Variants in HTRA4 observed in about 807,000 individuals in gnomAD.
HTRA4 encodes serine protease HTRA4.
In HTRA4, 46 loss-of-function variants were observed where a neutral mutation model predicts 49.1. The ratio of observed to expected loss-of-function variants is 0.94; its 90% CI spans 0.74 to 1.20. The LOEUF (loss-of-function observed/expected upper bound fraction) is 1.20. Ranked by LOEUF, HTRA4 falls within the 50% of genes most tolerant of loss-of-function variation. HTRA4 has a pLI of 0.00. For synonymous variants in HTRA4, 261 were observed against 264.0 expected, an observed-to-expected ratio of 0.99 and a Z score of 0.11; for missense variants, 602 against 636.9, an observed-to-expected ratio of 0.95 and a Z score of 0.59.
At chr8:38,981,075 T>TTTTTTTTG (rs1564178978) in intron 5 of HTRA4, among the ~76,000 whole-genome samples, 23 of 102,190 alleles carry the variant, frequency 2.3e-4, no homozygotes, top group South Asian at 3.2e-4. Flanking sequence ...TTTTTTTTTT[T>TTTTTTTTG]TTTTTTTTTT....
At chr8:38,984,193 G>T (rs1588294832) in intron 8 of HTRA4, among the ~76,000 whole-genome samples, 1 of 151,680 alleles carries the variant, frequency 6.6e-6, no homozygotes, top group East Asian at 2.0e-4. Context: ...TAGAGACAGG[G>T]TTTCACCATG....
chr8:38,979,311 C>T (rs75244703), intron 5 of HTRA4, 64 bp downstream of exon 5: 1 of 1,472,668 alleles, frequency 6.8e-7, no homozygotes, highest in Non-Finnish European at 9.5e-7. Flanking sequence ...TTATTAATTC[C>T]AGGCCAGGGG....
At position 38,982,489 on chromosome 8, in the gene HTRA4, C is replaced by T. The variant is rs2129427630; in HGVS notation, c.1115-9C>T. The stretch of plus-strand genomic sequence containing the variant: ...TTTTGTTGTAACACATCATAACTTT[C>T]CTTTCCAGGAAAGGCGTTTTCAAAT... On this transcript the variant is annotated splice_polypyrimidine_tract_variant and intron_variant, in intron 6 of 8. Transcript: ENST00000302495. The T allele has an allele frequency of 2.5e-6, 4 of 1,613,158 alleles. No homozygotes were observed. The highest frequency in any genetic ancestry group is 2.5e-6 in the Non-Finnish European group (3 of 1,179,084).
chr8:38,977,929 C>G, intron 3 of HTRA4, 24 bp from the exon 4 acceptor site: 1 of 1,609,542 alleles, frequency 6.2e-7, no homozygotes, highest in South Asian at 1.1e-5. Flanking sequence ...TCTGTCCTCC[C>G]CATCCCTTTT....
chr8:38,982,409 G>T, intron 6 of HTRA4, 89 bp from the exon 7 acceptor site: 1 of 1,138,534 alleles, frequency 8.8e-7, no homozygotes, highest in Non-Finnish European at 1.3e-6. Flanking sequence ...CAGCTGTGAT[G>T]GCAAAGAGAT....
chr8:38,978,800 G>T (rs1020739189), intron 4 of HTRA4, among the ~76,000 whole-genome samples: 5 of 152,012 alleles, frequency 3.3e-5, no homozygotes, highest in Non-Finnish European at 7.4e-5. Flanking sequence ...TTCGAGACCA[G>T]TCTGGCCAAC....
intron 8 of HTRA4, among the ~76,000 whole-genome samples, chr8:38,983,791 C>T (rs556181956): frequency 1.1e-4 from 16 of 147,240 alleles, no homozygotes; most frequent in Non-Finnish European, 2.3e-4. Flanking sequence ...CTGATTCAGA[C>T]TTGGGTACTT....
chr8:38,988,272 T>C lies in HTRA4; in HGVS notation c.*174T>C, dbSNP rs1027921761. On this transcript the variant is annotated 3_prime_UTR_variant, in exon 9 of 9. Coordinates refer to ENST00000302495, the MANE Select transcript of HTRA4 (RefSeq NM_153692.4). Reference sequence around the variant, plus strand: ...AATGACAGACTGGATAAAGCAAATGTGGTACATATACACCATGGAATACTA... The same window carrying C: ...AATGACAGACTGGATAAAGCAAATGCGGTACATATACACCATGGAATACTA... 1 of 579,388 alleles carries C rather than the reference T, an allele frequency of 1.7e-6. No individual in the cohort carries two copies. The highest frequency in any genetic ancestry group is 1.9e-5 in the African/African-American group (1 of 52,408). The allele number at this position is 579,388 out of a possible 1,614,324, so 35.9% of individuals were successfully genotyped here. A position where few individuals can be genotyped will look rare whatever the true frequency, so the allele number is the denominator to read the frequency against.
chr8:38,988,045 C>G lies in HTRA4; in HGVS notation c.1378C>G (p.Leu460Val), dbSNP rs200169830. The change falls in exon 9 of 9, where the codon CTT becomes GTT. Residue 460 changes from leucine (L) to valine (V), a missense_variant. Transcript: ENST00000302495. ...CAGTGATTCCCTTTCCATGGCTGTT[C>G]TTCGGGGAAAAGATAATTTGCTCCT... ...LDSDSLSMAV[L>V]RGKDNLLLTV... 3.7e-6 allele frequency: 6 copies of G among 1,610,806 alleles called. No individual in the cohort carries two copies. The highest frequency in any genetic ancestry group is 1.7e-5 in the Admixed American group (1 of 59,522).
At position 38,976,616 on chromosome 8, in the gene HTRA4, T is replaced by C. The variant is rs748629884; in HGVS notation, c.648T>C (p.Asn216=). 37 of 1,614,052 alleles carry C rather than the reference T, an allele frequency of 2.3e-5. No individual in the cohort carries two copies. The highest frequency in any genetic ancestry group is 2.5e-5 in the Non-Finnish European group (30 of 1,180,050). The change falls in exon 3 of 9, where the codon AAT becomes AAC. Residue 216 remains asparagine, a synonymous_variant. Transcript: ENST00000302495. ...IVSEDGLIIT[N]AHVVRNQQWI... ...CTGAGGACGGGCTCATTATTACCAATGCCCATGTTGTCAGGAACCAGCAGT... is the reference window on the plus strand; with the variant it reads ...CTGAGGACGGGCTCATTATTACCAACGCCCATGTTGTCAGGAACCAGCAGT...
chr8:38,974,336 C>T lies in HTRA4; in HGVS notation c.73C>T (p.Pro25Ser). 6.2e-7 allele frequency: 1 copy of T among 1,612,366 alleles called. No individual in the cohort carries two copies. Among genetic ancestry groups the T allele is most frequent in the Non-Finnish European group, 8.5e-7 (1 of 1,179,670 alleles). Reference sequence around the variant, plus strand: ...GCCGGGGCTGCTGCTGCTCCTGGTGCCCGTCCTCTGGGCCGGGGCTGAAAA... The same window carrying T: ...GCCGGGGCTGCTGCTGCTCCTGGTGTCCGTCCTCTGGGCCGGGGCTGAAAA... Reference protein sequence around the residue: ...LLPGLLLLLVPVLWAGAEKLH... With the variant: ...LLPGLLLLLVSVLWAGAEKLH... Residue 25 changes from proline (P) to serine (S), a missense_variant, in exon 1 of 9, where the codon CCC becomes TCC. Transcript: ENST00000302495.
intron 5 of HTRA4, among the ~76,000 whole-genome samples, chr8:38,979,780 G>A (rs1835396847): frequency 6.6e-6 from 1 of 151,362 alleles, no homozygotes; most frequent in Non-Finnish European, 1.5e-5. Context: ...GCCTCCCAAA[G>A]TGTTAGGATT....
In HTRA4 at chr8:38,987,955, G is replaced by A. The variant is rs1835505019; in HGVS notation, c.1288G>A (p.Asp430Asn). 5 of 1,595,528 alleles carry A rather than the reference G, an allele frequency of 3.1e-6. No individual in the cohort carries two copies. The highest frequency in any genetic ancestry group is 1.2e-5 in the South Asian group (1 of 86,516). ...TCTCAGCTCTGGATTGAGAGATCACGATGTAATTGTCAACATAAATGGGAA... is the reference window on the plus strand; with the variant it reads ...TCTCAGCTCTGGATTGAGAGATCACAATGTAATTGTCAACATAAATGGGAA... The part of the protein sequence containing the change: ...AAQSSGLRDH[D>N]VIVNINGKPI... The change falls in exon 9 of 9, where the codon GAT becomes AAT. Residue 430 changes from aspartate (D) to asparagine (N), a missense_variant. Transcript: ENST00000302495.
At chr8:38,974,780 C>A (rs1835324845) in intron 1 of HTRA4, 51 bp downstream of exon 1, 11 of 1,404,670 alleles carry the variant, frequency 7.8e-6, no homozygotes, top group African/African-American at 1.4e-5. Flanking sequence ...TCTGGAGGAG[C>A]GTAAAGGAAC....
chr8:38,979,668 C>T (rs1356022940), intron 5 of HTRA4, among the ~76,000 whole-genome samples: 1 of 152,086 alleles, frequency 6.6e-6, no homozygotes, highest in Admixed American at 6.5e-5. Context: ...ACCCAAAGCC[C>T]TGGATTTTAT....
intron 6 of HTRA4, among the ~76,000 whole-genome samples, chr8:38,982,239 T>G (rs1023053886): frequency 6.6e-6 from 1 of 152,170 alleles, no homozygotes. Flanking sequence ...ATTGGGGGAC[T>G]AGGCACAAAC....
At chr8:38,986,249 A>G (rs963914133) in intron 8 of HTRA4, among the ~76,000 whole-genome samples, 4 of 152,118 alleles carry the variant, frequency 2.6e-5, no homozygotes, top group African/African-American at 9.7e-5. Context: ...AACTTTTACT[A>G]TATCTCAGGC....
chr8:38,981,095 T>TTTTTC (rs1835417030), intron 5 of HTRA4, among the ~76,000 whole-genome samples: 1 of 133,838 alleles, frequency 7.5e-6, no homozygotes, highest in African/African-American at 3.2e-5. Context: ...TTTTTTTTTT[T>TTTTTC]TTGAGACGGA....
intron 3 of HTRA4, 108 bp downstream of exon 3, chr8:38,976,847 A>G: frequency 9.4e-7 from 1 of 1,064,404 alleles, no homozygotes; most frequent in Non-Finnish European, 1.4e-6. Flanking sequence ...TCTGTTGAAT[A>G]TATGCTTTTC....
Sources: gnomAD v4.1 joint callset for allele counts (sites outside exome capture counted in the v4.1 genomes callset) on GRCh38, gnomAD v4.1.1 for gene constraint, MANE v1.5 for transcripts, NCBI Gene and HGNC (gene_info 2026-07-23, HGNC 2026-07-21) for gene names.